Variants in FTO observed in about 807,000 individuals in gnomAD.
FTO encodes the protein alpha-ketoglutarate-dependent dioxygenase FTO.
FTO carries 47 observed loss-of-function variants against 63.9 expected under a neutral mutation model. That is an observed-to-expected ratio of 0.74 (90% CI 0.58 to 0.94). The LOEUF (loss-of-function observed/expected upper bound fraction) is 0.94, where lower values mean the gene tolerates loss of function less well. Among genes scored for constraint, FTO ranks in the 40% least tolerant of loss-of-function variants. The pLI is 0.00. For missense variants in FTO, 562 were observed against 618.1 expected (o/e 0.91, Z 0.96); for synonymous variants, 207 against 224.4 (o/e 0.92, Z 0.69).
At chr16:53,908,361 G>A (rs1252966054) in intron 7 of FTO, among the ~76,000 whole-genome samples, 1 of 152,176 alleles carries the variant, frequency 6.6e-6, no homozygotes, top group Admixed American at 6.5e-5. Flanking sequence ...CTTTTGGGAT[G>A]TTGCCTCTGG....
chr16:53,944,731 GTTGA>G (rs1421129727), intron 8 of FTO, among the ~76,000 whole-genome samples: 1 of 152,122 alleles, frequency 6.6e-6, no homozygotes, highest in Admixed American at 6.6e-5. Context: ...ATTTCATAGG[GTTGA>G]TTAAGTGATT....
chr16:53,851,525 A>G (rs1267653013), intron 4 of FTO, among the ~76,000 whole-genome samples: 1 of 152,096 alleles, frequency 6.6e-6, no homozygotes, highest in East Asian at 1.9e-4. Context: ...TTCTCATTCA[A>G]ACTTTGTGGA....
At chr16:54,033,132 C>A (rs1599243155) in intron 8 of FTO, among the ~76,000 whole-genome samples, 4 of 152,286 alleles carry the variant, frequency 2.6e-5, no homozygotes, top group African/African-American at 9.6e-5. Context: ...TTCTCACACA[C>A]CTATTTAGGT....
chr16:53,744,832 C>CT (rs971082228), intron 1 of FTO, among the ~76,000 whole-genome samples: 33 of 71,994 alleles, frequency 4.6e-4, no homozygotes, highest in Non-Finnish European at 6.6e-4. Context: ...TCTTCCCCCC[C>CT]CCCATATATG....
intron 8 of FTO, among the ~76,000 whole-genome samples, chr16:54,109,778 A>G (rs2086836535): frequency 1.3e-5 from 2 of 152,210 alleles, no homozygotes; most frequent in Admixed American, 6.6e-5. Flanking sequence ...ATACTTTCTC[A>G]AAGTACGGAG....
chr16:53,753,238 G>GA (rs571585454), intron 1 of FTO, among the ~76,000 whole-genome samples: 1 of 143,072 alleles, frequency 7.0e-6, no homozygotes, highest in East Asian at 2.1e-4. Context: ...GGGCAACAGA[G>GA]AGAGACCCTG....
rs975949205 is a variant in FTO, at chr16:53,935,387, G to A, written c.1364+1278G>A. Among the ~76,000 whole-genome samples the A allele has an allele frequency of 3.2e-4, 48 of 152,204 alleles. 1 individual carries two copies. The highest frequency in any genetic ancestry group is 1.2e-3 in the African/African-American group (48 of 41,448). ...TGAGCATTTTCCAAGAAAGGAGACA[G>A]TATGAGTATTTATTCTCATTGGATA... On this transcript the variant is annotated intron_variant, in intron 8 of 8. Transcript: ENST00000471389.
intron 4 of FTO, among the ~76,000 whole-genome samples, chr16:53,871,227 T>A (rs1020020807): frequency 1.3e-5 from 2 of 152,182 alleles, no homozygotes; most frequent in Non-Finnish European, 2.9e-5. Flanking sequence ...TTGGCCATTG[T>A]TTCTATAAAA....
intron 3 of FTO, among the ~76,000 whole-genome samples, chr16:53,835,524 G>A (rs993502693): frequency 6.6e-6 from 1 of 152,028 alleles, no homozygotes. Context: ...TAGTGACATT[G>A]CATTACTGTC....
intron 3 of FTO, among the ~76,000 whole-genome samples, chr16:53,832,660 A>C (rs779641604): frequency 6.6e-6 from 1 of 152,212 alleles, no homozygotes; most frequent in South Asian, 2.1e-4. Flanking sequence ...TTAACTTAGC[A>C]TAGTTATTTT....
intron 8 of FTO, chr16:53,935,621 C>A (rs2082370879): frequency 6.6e-6 from 1 of 152,062 alleles, no homozygotes; most frequent in South Asian, 2.1e-4. Context: ...GTTGCCCAGG[C>A]TGGTCTTAAA....
intron 3 of FTO, among the ~76,000 whole-genome samples, chr16:53,835,122 A>G (rs2079253715): frequency 6.6e-6 from 1 of 152,136 alleles, no homozygotes; most frequent in South Asian, 2.1e-4. Flanking sequence ...TATCTACCAC[A>G]TCTCCTCTTA....
chr16:53,934,047 C>T lies in FTO; in HGVS notation c.1302C>T (p.Ile434=), dbSNP rs754096350. 1 of 1,613,940 alleles carries T rather than the reference C, an allele frequency of 6.2e-7. No individual in the cohort carries two copies. Among genetic ancestry groups the T allele is most frequent in the African/African-American group, 1.3e-5 (1 of 74,918 alleles). The change falls in exon 8 of 9, where the codon ATC becomes ATT. Residue 434 remains isoleucine (I), a synonymous_variant. Transcript: ENST00000471389. Reference sequence around the variant, plus strand: ...TCCCCGTGGAACAAAGGAATGAAATCTTGACTGCCATCCTTGCCTCGCTCA... The same window carrying T: ...TCCCCGTGGAACAAAGGAATGAAATTTTGACTGCCATCCTTGCCTCGCTCA... ...EGLPVEQRNE[I]LTAILASLTA...
chr16:53,729,564 G>A (rs2076227666), intron 1 of FTO, among the ~76,000 whole-genome samples: 2 of 151,688 alleles, frequency 1.3e-5, no homozygotes, highest in South Asian at 4.2e-4. Context: ...GTGGAGATTT[G>A]CCACTGGCTG....
At chr16:53,779,060 TTTGA>T (rs1336053568) in intron 1 of FTO, among the ~76,000 whole-genome samples, 1 of 152,194 alleles carries the variant, frequency 6.6e-6, no homozygotes, top group Non-Finnish European at 1.5e-5. Flanking sequence ...TTTGTAAGCC[TTTGA>T]TTGCTTTATT....
At chr16:54,021,883 T>A (rs2084610823) in intron 8 of FTO, among the ~76,000 whole-genome samples, 1 of 152,174 alleles carries the variant, frequency 6.6e-6, no homozygotes, top group Non-Finnish European at 1.5e-5. Flanking sequence ...AATATGATAT[T>A]GTAGGTAGTT....
intron 8 of FTO, among the ~76,000 whole-genome samples, chr16:54,074,942 G>GTATA (rs1555506073): frequency 6.7e-6 from 1 of 148,592 alleles, no homozygotes; most frequent in Non-Finnish European, 1.5e-5. Context: ...GTGTGTGTGT[G>GTATA]TGTGTGTGTG....
intron 8 of FTO, among the ~76,000 whole-genome samples, chr16:53,995,981 C>T (rs2083925366): frequency 6.6e-6 from 1 of 152,178 alleles, no homozygotes; most frequent in Non-Finnish European, 1.5e-5. Flanking sequence ...CTCATGTTTG[C>T]CAAAAGAGCC....
intron 8 of FTO, among the ~76,000 whole-genome samples, chr16:54,088,140 ATAT>A (rs1453115184): frequency 6.6e-6 from 1 of 152,210 alleles, no homozygotes; most frequent in African/African-American, 2.4e-5. Flanking sequence ...GCCCTTCCAA[ATAT>A]TCTTCTATGC....
Sources: allele counts gnomAD v4.1 joint callset (sites outside exome capture counted in the v4.1 genomes callset), GRCh38; gene constraint gnomAD v4.1.1; transcripts MANE v1.5; gene names NCBI Gene and HGNC (gene_info 2026-07-23, HGNC 2026-07-21).